Variants in RAE1 observed in about 807,000 individuals in gnomAD.
RAE1 encodes the protein ribonucleic acid export 1.
A neutral mutation model predicts 52.7 loss-of-function variants in RAE1; 13 were observed. The observed-to-expected ratio is 0.25, with a 90% CI of 0.16 to 0.39. RAE1 has a LOEUF of 0.39. RAE1 is among the 10% of genes least tolerant of loss of function. RAE1 has a pLI of 1.00. For synonymous variants in RAE1, 164 were observed against 153.1 expected (o/e 1.07, Z -0.52); for missense variants, 262 against 459.8 (o/e 0.57, Z 3.93).
chr20:57,369,173 A>T (rs1185797805), intron 8 of RAE1, among the ~76,000 whole-genome samples: 1 of 152,254 alleles, frequency 6.6e-6, no homozygotes, highest in African/African-American at 2.4e-5. Context: ...ACAGCGTCTT[A>T]CAACGATCTT....
At chr20:57,368,682 C>T (rs761143767) in intron 7 of RAE1, 23 bp from the exon 8 acceptor site, 2 of 1,541,704 alleles carry the variant, frequency 1.3e-6, no homozygotes, top group African/African-American at 2.7e-5. Flanking sequence ...TGAAGCGCAT[C>T]TCTGTTTTCT....
chr20:57,373,113 G>A, intron 8 of RAE1: 2 of 256,640 alleles, frequency 7.8e-6, no homozygotes, highest in East Asian at 1.0e-4. Flanking sequence ...CAGAAGCTTC[G>A]GGTGACCTCC....
chr20:57,362,572 C>T (rs2066904970), intron 4 of RAE1, among the ~76,000 whole-genome samples: 1 of 152,114 alleles, frequency 6.6e-6, no homozygotes, highest in Admixed American at 6.5e-5. Context: ...AATCCTTTTG[C>T]TCAAATGTTA....
At position 57,351,413 on chromosome 20, in the gene RAE1, A is replaced by G. The variant is rs2066706565; in HGVS notation, c.-17A>G. 1.0e-6 allele frequency: 1 copy of G among 985,384 alleles called. No homozygotes were observed. Among genetic ancestry groups the G allele is most frequent in the East Asian group, 1.1e-4 (1 of 8,820 alleles). The allele number at this position is 985,384 out of a possible 1,614,324, so 61.0% of individuals were successfully genotyped here. On this transcript the variant is annotated 5_prime_UTR_variant, in exon 1 of 12. Transcript: ENST00000395841. ...CCGGCCGCCGCTTTCCGCCGGGGCG[A>G]GACCCCCAGGTAGGCCCCGTGCCGC...
intron 8 of RAE1, among the ~76,000 whole-genome samples, chr20:57,370,297 C>A (rs906844497): frequency 1.3e-5 from 2 of 152,236 alleles, no homozygotes; most frequent in South Asian, 4.1e-4. Flanking sequence ...GACACCCATC[C>A]TCTTACTGGA....
chr20:57,370,590 G>A (rs147650543), intron 8 of RAE1, among the ~76,000 whole-genome samples: 143 of 152,300 alleles, frequency 9.4e-4, no homozygotes, highest in South Asian at 7.9e-3. Context: ...TCTCCCAGGC[G>A]TCTGAAGCTA....
At chr20:57,351,820 C>T in intron 1 of RAE1, 1 of 985,494 alleles carries the variant, frequency 1.0e-6, no homozygotes, top group Non-Finnish European at 1.2e-6. Flanking sequence ...TCTTTCGTAG[C>T]AGTTACCAGT....
At chr20:57,374,481 G>C (rs527762985) in intron 10 of RAE1, 126 bp from the exon 11 acceptor site, 2 of 876,636 alleles carry the variant, frequency 2.3e-6, no homozygotes, top group East Asian at 2.4e-5. Context: ...TGCTATCAGC[G>C]GGCAGCAGCT....
At chr20:57,375,233 A>G in intron 11 of RAE1, 1 of 601,188 alleles carries the variant, frequency 1.7e-6, no homozygotes, top group Non-Finnish European at 3.0e-6. Context: ...TGATGGTGAA[A>G]TGTGTAGACT....
At chr20:57,357,969 C>T (rs1336530560) in intron 4 of RAE1, 1 of 149,844 alleles carries the variant, frequency 6.7e-6, no homozygotes, top group Non-Finnish European at 1.5e-5. Flanking sequence ...GTGTGGGCCA[C>T]AGCTCATAGT....
intron 4 of RAE1, chr20:57,358,415 T>C (rs147390700): frequency 4.6e-4 from 70 of 152,358 alleles, no homozygotes; most frequent in African/African-American, 1.6e-3. Context: ...AGTGTTAAGT[T>C]TTATGCAATC....
intron 11 of RAE1, chr20:57,375,227 G>T (rs2067095801): frequency 1.3e-5 from 8 of 602,268 alleles, no homozygotes; most frequent in Non-Finnish European, 2.4e-5. Flanking sequence ...TGGGCATGAT[G>T]GTGAAATGTG....
At chr20:57,358,038 G>A (rs969763640) in intron 4 of RAE1, 4 of 151,188 alleles carry the variant, frequency 2.6e-5, no homozygotes, top group African/African-American at 7.4e-5. Context: ...ATAGATAGAC[G>A]GCTAGGCTTG....
At chr20:57,362,382 G>A (rs2066902774) in intron 4 of RAE1, among the ~76,000 whole-genome samples, 1 of 152,140 alleles carries the variant, frequency 6.6e-6, no homozygotes, top group Non-Finnish European at 1.5e-5. Flanking sequence ...TGAAAAGTTT[G>A]AAAAGTGAAG....
intron 10 of RAE1, among the ~76,000 whole-genome samples, chr20:57,373,953 G>A (rs1318959427): frequency 1.3e-5 from 2 of 152,214 alleles, no homozygotes; most frequent in Admixed American, 6.5e-5. Context: ...GAGTGCAGTG[G>A]CGTGATATCA....
intron 4 of RAE1, among the ~76,000 whole-genome samples, chr20:57,362,488 A>G (rs2066903878): frequency 6.6e-6 from 1 of 152,250 alleles, no homozygotes; most frequent in Non-Finnish European, 1.5e-5. Context: ...GTCTGTCTTT[A>G]CTGATCGGGC....
Position 57,377,994 on chromosome 20 carries a change from T to C in RAE1, c.1021-19T>C, listed in dbSNP as rs1287208099. On this transcript the variant is annotated intron_variant, in intron 11 of 11. Coordinates refer to ENST00000395841, the MANE Select transcript of RAE1 (RefSeq NM_003610.4). ...TTCTTTTGAATAATAAGATCATTGG[T>C]GTTTTTTGCTCTCTTTAGGGACATG... The C allele has an allele frequency of 6.5e-7, 1 of 1,544,192 alleles. No homozygotes were observed.
chr20:57,366,695 G>A (rs2066959172), intron 5 of RAE1, 112 bp from the exon 6 acceptor site: 20 of 1,050,938 alleles, frequency 1.9e-5, no homozygotes, highest in Non-Finnish European at 2.9e-6. Context: ...GTTTTTGTTT[G>A]GTATGGCCCC....
chr20:57,367,970 A>T (rs183705943), intron 7 of RAE1, among the ~76,000 whole-genome samples: 163 of 151,268 alleles, frequency 1.1e-3, no homozygotes, highest in African/African-American at 3.5e-3. Context: ...GCTCACTGCA[A>T]CCTCTGCCTT....
Sources: gnomAD v4.1 joint callset for allele counts (sites outside exome capture counted in the v4.1 genomes callset) on GRCh38, gnomAD v4.1.1 for gene constraint, MANE v1.5 for transcripts, NCBI Gene and HGNC (gene_info 2026-07-23, HGNC 2026-07-21) for gene names.